CASK: variants seen among roughly 807,000 people sequenced by gnomAD.
CASK encodes the protein peripheral plasma membrane protein CASK.
Under a neutral mutation model 82.9 loss-of-function variants are expected in CASK, and 4 were observed. The observed-to-expected ratio is 0.05, with a 90% CI of 0.02 to 0.11. CASK has a LOEUF of 0.11. CASK is among the 10% of genes least tolerant of loss of function. CASK has a pLI of 1.00. For missense variants in CASK, 358 were observed against 720.9 expected, an observed-to-expected ratio of 0.50 and a Z score of 5.76; for synonymous variants, 259 against 253.5, an observed-to-expected ratio of 1.02 and a Z score of -0.20.
chrX:41,909,695 C>T (rs763091314), intron 1 of CASK, among the ~76,000 whole-genome samples: 8 of 110,461 alleles, frequency 7.2e-5, no homozygotes, highest in Admixed American at 1.9e-4. Flanking sequence ...AACTATGCCT[C>T]CCGGGTTCAA....
chrX:41,709,378 G>T (rs1307057850), intron 5 of CASK, among the ~76,000 whole-genome samples: 1 of 111,901 alleles, frequency 8.9e-6, no homozygotes, highest in Non-Finnish European at 1.9e-5. Flanking sequence ...ATTGAAAATT[G>T]GAAACAAGTA....
At chrX:41,918,322 G>T (rs1372851303) in intron 1 of CASK, among the ~76,000 whole-genome samples, 1 of 112,037 alleles carries the variant, frequency 8.9e-6, no homozygotes, top group Non-Finnish European at 1.9e-5. Context: ...TATTAATCCA[G>T]TATTTACATA....
chrX:41,683,319 C>T (rs2067392958), intron 5 of CASK: 1 of 111,214 alleles, frequency 9.0e-6, no homozygotes, highest in African/African-American at 3.3e-5. Context: ...GTGGTACCCC[C>T]CTCCCGGGAG....
At chrX:41,685,605 C>T (rs2067427719) in intron 5 of CASK, among the ~76,000 whole-genome samples, 1 of 111,597 alleles carries the variant, frequency 9.0e-6, no homozygotes, top group African/African-American at 3.3e-5. Flanking sequence ...CCTCAGCTTC[C>T]TGAGTAGCTG....
At chrX:41,816,900 C>G (rs1423510957) in intron 2 of CASK, among the ~76,000 whole-genome samples, 1 of 110,758 alleles carries the variant, frequency 9.0e-6, no homozygotes, top group Non-Finnish European at 1.9e-5. Flanking sequence ...TGAACTCTAC[C>G]AAACATGAAG....
At position 41,772,422 on chromosome X, in the gene CASK, T is replaced by C. The variant is rs188702983; in HGVS notation, c.278+14756A>G. On this transcript the variant is annotated intron_variant, in intron 3 of 26. Coordinates refer to ENST00000378163, the MANE Select transcript of CASK (RefSeq NM_001367721.1). Reference sequence around the variant, plus strand: ...TGAAAAGAATAATAAAACTGGTAAATGTCTGGCAAGGCTGAGAAAGAAAAA... The same window carrying C: ...TGAAAAGAATAATAAAACTGGTAAACGTCTGGCAAGGCTGAGAAAGAAAAA... Among the ~76,000 whole-genome samples, 182 of 95,350 alleles carry C rather than the reference T, an allele frequency of 1.9e-3. 1 individual carries two copies. The highest frequency in any genetic ancestry group is 3.3e-3 in the Non-Finnish European group (156 of 47,270). The allele number at this position is 95,350 out of a possible 115,157, so 82.8% of individuals were successfully genotyped here.
intron 14 of CASK, among the ~76,000 whole-genome samples, chrX:41,580,639 T>C (rs2065560977): frequency 8.9e-6 from 1 of 111,958 alleles, no homozygotes; most frequent in African/African-American, 3.2e-5. Context: ...GCACTGTAAA[T>C]GATTGCTACC....
chrX:41,607,714 C>T (rs2065981743), intron 12 of CASK, among the ~76,000 whole-genome samples: 1 of 111,921 alleles, frequency 8.9e-6, no homozygotes, highest in African/African-American at 3.2e-5. Context: ...GAGATAAACC[C>T]ATTTCCAAGC....
At chrX:41,652,423 C>G (rs1198356459) in intron 8 of CASK, among the ~76,000 whole-genome samples, 1 of 112,052 alleles carries the variant, frequency 8.9e-6, no homozygotes, top group Non-Finnish European at 1.9e-5. Context: ...TCTACAGCTC[C>G]GTTTCCTGGA....
rs1051782426 is a variant in CASK, at chrX:41,817,794, A to G, written c.173-30511T>C. On this transcript the variant is annotated intron_variant, in intron 2 of 26. Transcript: ENST00000378163. ...CTAGAAAAATTTTGTAATAGCATCAAATATATGAAATACAGAGAAAAATTC... is the reference window on the plus strand; with the variant it reads ...CTAGAAAAATTTTGTAATAGCATCAGATATATGAAATACAGAGAAAAATTC... Among the ~76,000 whole-genome samples the G allele has an allele frequency of 2.7e-5, 3 of 111,531 alleles. No individual in the cohort carries two copies. In the Admixed American group the frequency reaches 2.9e-4, roughly 11 times the overall value.
chrX:41,559,830 A>G lies in CASK; in HGVS notation c.1686T>C (p.Ser562=), dbSNP rs758121698. The G allele has an allele frequency of 2.7e-5, 32 of 1,206,865 alleles. No homozygotes were observed. Among genetic ancestry groups the G allele is most frequent in the Admixed American group, 4.4e-5 (2 of 45,771 alleles). The change falls in exon 18 of 27, where the codon AGT becomes AGC. Residue 562 remains serine, a synonymous_variant. Coordinates refer to ENST00000378163, the MANE Select transcript of CASK (RefSeq NM_001367721.1). ...LQKMLREMRG[S]ITFKIVPSYR... ...AACTTGGCACAATCTTGAAGGTAAT[A>G]CTCCCCCGCATTTCCCTCTGGAGGG...
At chrX:41,766,302 A>G (rs928879273) in intron 3 of CASK, among the ~76,000 whole-genome samples, 1 of 112,220 alleles carries the variant, frequency 8.9e-6, no homozygotes, top group African/African-American at 3.2e-5. Context: ...TTAAACTAGT[A>G]GGATGAAGCA....
rs1021774904 is a variant in CASK, at chrX:41,578,435, C to T, written c.1408G>A (p.Gly470Ser). ...TPPPTSPYLN[G>S]DSPESANGDM... is the part of the protein sequence containing the mutation. ...CCGTTAGCACTTTCTGGAGAATCGC[C>T]GTTTAAATAGGGAGAGGTGGGAGGA... The change falls in exon 15 of 27, where the codon GGC becomes AGC. Residue 470 changes from glycine to serine, a missense_variant. Physicochemically the swap from Gly to Ser is moderately conservative, Grantham distance 56. Transcript: ENST00000378163. The T allele has an allele frequency of 8.3e-6, 10 of 1,202,248 alleles. No individual in the cohort carries two copies. Among genetic ancestry groups the T allele is most frequent in the African/African-American group, 1.7e-5 (1 of 57,573 alleles).
intron 26 of CASK, 98 bp downstream of exon 26, chrX:41,523,853 A>G (rs778416687): frequency 1.6e-6 from 1 of 635,683 alleles, no homozygotes; most frequent in African/African-American, 2.2e-5. Flanking sequence ...TCATCAGAGC[A>G]GCCTTGCTGC....
At chrX:41,915,845 A>T (rs932404613) in intron 1 of CASK, among the ~76,000 whole-genome samples, 8 of 111,194 alleles carry the variant, frequency 7.2e-5, no homozygotes, top group South Asian at 3.8e-4. Flanking sequence ...AAAAAAAAAA[A>T]AAAAATTAGC....
intron 5 of CASK, among the ~76,000 whole-genome samples, chrX:41,678,148 T>C (rs1029209508): frequency 3.6e-5 from 4 of 112,190 alleles, no homozygotes; most frequent in Non-Finnish European, 5.6e-5. Flanking sequence ...ATGTCTTTTC[T>C]CTACCAATAA....
intron 8 of CASK, chrX:41,660,128 G>A: frequency 5.4e-6 from 2 of 370,113 alleles, no homozygotes; most frequent in Non-Finnish European, 9.3e-6. Context: ...TTATAACATG[G>A]TATTACTTCA....
chrX:41,612,528 T>TA (rs2066090614), intron 11 of CASK, among the ~76,000 whole-genome samples: 1 of 93,408 alleles, frequency 1.1e-5, no homozygotes, highest in African/African-American at 4.2e-5. Context: ...GGGAAGGAGG[T>TA]GGGGGTCAGC....
In CASK at chrX:41,923,020, G is replaced by A; in HGVS notation, c.-32C>T. On this transcript the variant is annotated 5_prime_UTR_variant, in exon 1 of 27. Transcript: ENST00000378163. ...GAGGGGATAGCGGCCGCAGCGTGGA[G>A]GGCTTCGAAAACGGGGGTGGGGGCG... The A allele has an allele frequency of 5.9e-6, 7 of 1,195,536 alleles. No homozygotes were observed. The highest frequency in any genetic ancestry group is 6.8e-6 in the Non-Finnish European group (6 of 881,047).
Sources: gnomAD v4.1 joint callset for allele counts (sites outside exome capture counted in the v4.1 genomes callset) on GRCh38, gnomAD v4.1.1 for gene constraint, MANE v1.5 for transcripts, NCBI Gene and HGNC (gene_info 2026-07-23, HGNC 2026-07-21) for gene names.